PRDM5: variants seen among roughly 807,000 people sequenced by gnomAD.
PRDM5 encodes the protein PR/SET domain 5.
PRDM5 carries 56 observed loss-of-function variants against 81.2 expected under a neutral mutation model. The observed-to-expected ratio is 0.69, with a 90% CI of 0.56 to 0.86. The LOEUF is 0.86. Among genes scored for constraint, PRDM5 ranks in the 40% least tolerant of loss-of-function variants. PRDM5 has a pLI of 0.00. For synonymous variants in PRDM5, 267 were observed against 256.4 expected (o/e 1.04, Z -0.39); for missense variants, 697 against 770.1 (o/e 0.91, Z 1.12).
rs559826187 is a variant in PRDM5 at position 120,772,494 on chromosome 4, G to A, written c.1537+4694C>T. Among the ~76,000 whole-genome samples the A allele has an allele frequency of 2.0e-5, 3 of 152,318 alleles. No individual in the cohort carries two copies. In the East Asian group the frequency reaches 5.8e-4, roughly 29 times the overall value. On this transcript the variant is annotated intron_variant, in intron 13 of 15. Transcript: ENST00000264808. ...AACTGACTTTTGCAGCAAAGGCAAT[G>A]CCAATGGACATTAACGTTGCAGCGG...
At chr4:120,833,198 A>G (rs1756928925) in intron 3 of PRDM5, among the ~76,000 whole-genome samples, 1 of 152,150 alleles carries the variant, frequency 6.6e-6, no homozygotes, top group Non-Finnish European at 1.5e-5. Context: ...GAAATAAACG[A>G]TTAATGAGTT....
At position 120,840,233 on chromosome 4, in the gene PRDM5, G is replaced by A. The variant is rs1445711542; in HGVS notation, c.300+13185C>T. The stretch of plus-strand genomic sequence containing the variant: ...TCTCGCCGGGCTGGGGCCAGCATTT[G>A]GGGTAAGAGTGACATTGACACAAGC... On this transcript the variant is annotated intron_variant, in intron 3 of 15. Transcript: ENST00000264808. 2.6e-5 allele frequency among the ~76,000 whole-genome samples: 4 copies of A among 152,296 alleles called. No individual in the cohort carries two copies. The East Asian group carries it at 7.8e-4, about 30-fold the overall frequency.
intron 3 of PRDM5, among the ~76,000 whole-genome samples, chr4:120,836,331 G>T (rs1299600788): frequency 6.6e-6 from 1 of 152,186 alleles, no homozygotes; most frequent in Middle Eastern, 3.4e-3. Flanking sequence ...CCAAAAAATA[G>T]AAAAATATAT....
At chr4:120,786,457 A>C (rs995938528) in intron 10 of PRDM5, among the ~76,000 whole-genome samples, 2 of 151,624 alleles carry the variant, frequency 1.3e-5, no homozygotes, top group Non-Finnish European at 3.0e-5. Flanking sequence ...TTAGTACAGG[A>C]GAAATATGGC....
At chr4:120,743,184 T>TC (rs1176278597) in intron 14 of PRDM5, among the ~76,000 whole-genome samples, 1 of 151,636 alleles carries the variant, frequency 6.6e-6, no homozygotes, top group Non-Finnish European at 1.5e-5. Context: ...AAACTAAGCT[T>TC]CATAAGTGAA....
Position 120,907,506 on chromosome 4 carries a change from C to T in PRDM5, c.145G>A (p.Asp49Asn). Residue 49 changes from aspartate (D) to asparagine (N), a missense_variant, in exon 2 of 16, where the codon GAT (aspartate) becomes AAT (asparagine). Physicochemically the swap from Asp to Asn is conservative, Grantham distance 23. This residue lies in a region of PRDM5 where 577 missense variants were observed against 606.7 expected (regional missense o/e 0.95). Coordinates refer to ENST00000264808, the MANE Select transcript of PRDM5 (RefSeq NM_018699.4). ...AGEKRMPEDLDENMDYRLMWE... is the reference protein window; with the variant it reads ...AGEKRMPEDLNENMDYRLMWE... ...ATCAACCTGTAATCCATATTTTCAT[C>T]CAAGTCTTCAGGCATTCTCTTCTCT... is the stretch of plus-strand genomic sequence containing the variant. 6.2e-7 allele frequency: 1 copy of T among 1,612,606 alleles called. No individual in the cohort carries two copies. Among genetic ancestry groups the T allele is most frequent in the Non-Finnish European group, 8.5e-7 (1 of 1,178,678 alleles).
intron 14 of PRDM5, among the ~76,000 whole-genome samples, chr4:120,739,573 T>C (rs1345686678): frequency 1.3e-5 from 2 of 152,290 alleles, no homozygotes; most frequent in Admixed American, 6.5e-5. Flanking sequence ...ACCTTAACTA[T>C]AGTAAAACAG....
chr4:120,816,596 G>A (rs375252519), intron 6 of PRDM5, 22 bp from the exon 7 acceptor site: 111 of 1,613,814 alleles, frequency 6.9e-5, no homozygotes, highest in Middle Eastern at 1.7e-4. Flanking sequence ...CCAGCAAAGC[G>A]GAACAGGAAG....
At chr4:120,900,187 C>T (rs1424804471) in intron 2 of PRDM5, among the ~76,000 whole-genome samples, 1 of 152,084 alleles carries the variant, frequency 6.6e-6, no homozygotes, top group Admixed American at 6.5e-5. Flanking sequence ...ATATTAGTCA[C>T]TAGTATATCA....
intron 3 of PRDM5, among the ~76,000 whole-genome samples, chr4:120,821,837 A>G (rs1755321129): frequency 6.6e-6 from 1 of 152,156 alleles, no homozygotes; most frequent in Non-Finnish European, 1.5e-5. Flanking sequence ...CTGGTCCCGA[A>G]ATAGAAAAAA....
At chr4:120,789,183 T>C (rs1949110) in intron 10 of PRDM5, among the ~76,000 whole-genome samples, 30,290 of 152,148 alleles carry the variant, frequency 0.2, 3,673 homozygotes, top group Non-Finnish European at 0.28. Context: ...CTATGAAACA[T>C]ATCTTTTTAT....
chr4:120,871,599 T>C (rs189535081), intron 2 of PRDM5, among the ~76,000 whole-genome samples: 13 of 152,208 alleles, frequency 8.5e-5, no homozygotes, highest in Non-Finnish European at 1.6e-4. Flanking sequence ...GATATTTGCA[T>C]ATAGGTCAAT....
chr4:120,904,593 TGA>T (rs1430507941), intron 2 of PRDM5, among the ~76,000 whole-genome samples: 1 of 151,868 alleles, frequency 6.6e-6, no homozygotes, highest in African/African-American at 2.4e-5. Flanking sequence ...GGTAGCAGAG[TGA>T]GAGAGCTGGA....
intron 13 of PRDM5, among the ~76,000 whole-genome samples, chr4:120,773,989 ATT>A (rs1747689128): frequency 6.6e-6 from 1 of 152,222 alleles, no homozygotes; most frequent in African/African-American, 2.4e-5. Flanking sequence ...AATGGGTAAT[ATT>A]GTTACTTTTA....
chr4:120,777,178 A>T lies in PRDM5; in HGVS notation c.1537+10T>A. The T allele has an allele frequency of 6.2e-7, 1 of 1,613,188 alleles. No individual in the cohort carries two copies. The highest frequency in any genetic ancestry group is 2.2e-5 in the East Asian group (1 of 44,832). ...TGGTTTTTTCACTAGTCTAATTACA[A>T]TCTCCATACCTGTGTGGCTCCGGAT... On this transcript the variant is annotated intron_variant, in intron 13 of 15. Transcript: ENST00000264808.
intron 2 of PRDM5, chr4:120,885,795 A>C (rs1763373999): frequency 7.2e-6 from 1 of 138,138 alleles, no homozygotes; most frequent in South Asian, 2.2e-4. Context: ...CCTATCACCG[A>C]AAGAAAAAAA....
chr4:120,763,804 T>C (rs999365245), intron 13 of PRDM5, among the ~76,000 whole-genome samples: 21 of 152,162 alleles, frequency 1.4e-4, no homozygotes, highest in African/African-American at 4.6e-4. Flanking sequence ...AGTTAAACCT[T>C]AGGTGCCTGC....
rs748667559 is a variant in PRDM5 at position 120,818,525 on chromosome 4, G to A, written c.478C>T (p.Arg160Cys). ...GCATAGTCCTCTTTACAGCCAAGGC[G>A]ATCTGCACATTCACAAGGAAACATA... is the stretch of plus-strand genomic sequence containing the variant. Reference protein sequence around the residue: ...RRQSTAGRKDRLGCKEDYACP... With the variant: ...RRQSTAGRKDCLGCKEDYACP... The change falls in exon 5 of 16, where the codon CGC (arginine) becomes TGC (cysteine). Residue 160 changes from arginine (R) to cysteine (C), a missense_variant and splice_region_variant. Arg to Cys is a radical substitution (Grantham distance 180). Transcript: ENST00000264808. 6.2e-6 allele frequency: 10 copies of A among 1,611,598 alleles called. No homozygotes were observed. The highest frequency in any genetic ancestry group is 2.7e-5 in the African/African-American group (2 of 74,796).
At chr4:120,704,696 T>C (rs1172235434) in intron 15 of PRDM5, among the ~76,000 whole-genome samples, 1 of 152,030 alleles carries the variant, frequency 6.6e-6, no homozygotes, top group Admixed American at 6.5e-5. Flanking sequence ...ACAAGCATAG[T>C]ACAAAGAGAG....
Sources: gnomAD v4.1 joint callset for allele counts (sites outside exome capture counted in the v4.1 genomes callset) on GRCh38, gnomAD v4.1.1 for gene constraint, gnomAD v4.1.1 regional missense constraint, MANE v1.5 for transcripts, NCBI Gene and HGNC (gene_info 2026-07-23, HGNC 2026-07-21) for gene names.